SERPINA3: variants seen among roughly 807,000 people sequenced by gnomAD.
The protein encoded by SERPINA3 is serpin family A member 3, also known as alpha-1-antichymotrypsin.
SERPINA3 carries 32 observed loss-of-function variants against 26.8 expected under a neutral mutation model. That is an observed-to-expected ratio of 1.20 (90% confidence interval 0.90 to 1.61). The LOEUF (loss-of-function observed/expected upper bound fraction) is 1.61. Among genes scored for constraint, SERPINA3 ranks in the 40% most tolerant of loss-of-function variants. SERPINA3 has a pLI of 0.00. For missense variants in SERPINA3, 632 were observed against 517.9 expected (o/e 1.22, Z -2.14); for synonymous variants, 252 against 206.4 (o/e 1.22, Z -1.89).
Position 94,623,789 on chromosome 14 carries a change from A to C in SERPINA3, c.1247A>C (p.Lys416Thr). The change falls in exon 5 of 5, where the codon AAA (lysine) becomes ACA (threonine). Residue 416 changes from lysine to threonine, a missense_variant. By Grantham distance (78) the Lys-to-Thr change is moderately conservative (BLOSUM62 -1). Transcript: ENST00000393078. ...ACCCAGAACATCTTCTTCATGAGCA[A>C]AGTCACCAATCCCAAGCAAGCCTAG... is the stretch of plus-strand genomic sequence containing the variant. ...TDTQNIFFMS[K>T]VTNPKQA 6 of 1,613,842 alleles carry C rather than the reference A, an allele frequency of 3.7e-6. No homozygotes were observed. Among genetic ancestry groups the C allele is most frequent in the Non-Finnish European group, 5.1e-6 (6 of 1,180,020 alleles).
chr14:94,614,966 A>G lies in SERPINA3; in HGVS notation c.525A>G (p.Ala175=), dbSNP rs1885938285. ...CCACTGACTTTCAGGACTCAGCTGC[A>G]GCTAAGAAGCTCATCAACGACTACG... ...AFATDFQDSA[A]AKKLINDYVK... Residue 175 remains alanine, a synonymous_variant, in exon 2 of 5, where the codon GCA becomes GCG. Transcript: ENST00000393078. 1.2e-6 allele frequency: 2 copies of G among 1,613,428 alleles called. No individual in the cohort carries two copies. The highest frequency in any genetic ancestry group is 4.5e-5 in the East Asian group (2 of 44,862).
rs747893413 is a variant in SERPINA3 at position 94,623,791 on chromosome 14, G to A, written c.1249G>A (p.Val417Ile). 5.0e-6 allele frequency: 8 copies of A among 1,614,082 alleles called. No individual in the cohort carries two copies. The highest frequency in any genetic ancestry group is 6.8e-6 in the Non-Finnish European group (8 of 1,180,028). ...CCAGAACATCTTCTTCATGAGCAAAGTCACCAATCCCAAGCAAGCCTAGAG... is the reference window on the plus strand; with the variant it reads ...CCAGAACATCTTCTTCATGAGCAAAATCACCAATCCCAAGCAAGCCTAGAG... ...DTQNIFFMSK[V>I]TNPKQA Residue 417 changes from valine to isoleucine, a missense_variant, in exon 5 of 5, where the codon GTC becomes ATC. By Grantham distance (29) the Val-to-Ile change is conservative. Coordinates refer to ENST00000393078, the MANE Select transcript of SERPINA3 (RefSeq NM_001085.5).
At position 94,623,977 on chromosome 14, in the gene SERPINA3, C is replaced by G. The variant is rs1040761508; in HGVS notation, c.*163C>G. 4.3e-6 allele frequency: 3 copies of G among 705,076 alleles called. No homozygotes were observed. The highest frequency in any genetic ancestry group is 7.6e-6 in the Non-Finnish European group (3 of 392,776). 43.7% of individuals were successfully genotyped at this position (705,076 alleles called of 1,614,324 possible). On this transcript the variant is annotated 3_prime_UTR_variant, in exon 5 of 5. Transcript: ENST00000393078. ...TGACAGCGATTCCCTGTGTAGCTCTCACATGCACAGGGGCCCATGGACTCT... is the reference window on the plus strand; with the variant it reads ...TGACAGCGATTCCCTGTGTAGCTCTGACATGCACAGGGGCCCATGGACTCT...
At chr14:94,619,566 G>T in intron 3 of SERPINA3, 98 bp downstream of exon 3, 1 of 1,461,424 alleles carries the variant, frequency 6.8e-7, no homozygotes, top group South Asian at 1.2e-5. Flanking sequence ...ACTCATACAG[G>T]GACAGGTGGA....
chr14:94,619,116 C>A, intron 2 of SERPINA3, 79 bp from the exon 3 acceptor site: 1 of 1,549,534 alleles, frequency 6.5e-7, no homozygotes, highest in Non-Finnish European at 8.9e-7. Context: ...ACTCTGGGCA[C>A]TTCCACTGCT....
intron 1 of SERPINA3, chr14:94,613,208 T>C: frequency 6.7e-6 from 1 of 149,362 alleles, no homozygotes; most frequent in African/African-American, 2.5e-5. Flanking sequence ...TTCCTTTCCT[T>C]CCTTCCCTTC....
chr14:94,614,335 A>C (rs1885895447), intron 1 of SERPINA3, 99 bp from the exon 2 acceptor site: 4 of 1,223,642 alleles, frequency 3.3e-6, no homozygotes, highest in Non-Finnish European at 4.8e-6. Context: ...AGCAAGAGGC[A>C]GCAGGACAGG....
At chr14:94,616,581 C>T (rs1021670915) in intron 2 of SERPINA3, among the ~76,000 whole-genome samples, 6 of 152,086 alleles carry the variant, frequency 3.9e-5, no homozygotes, top group Non-Finnish European at 8.8e-5. Flanking sequence ...CCCACTGGAC[C>T]CAAGAGCATG....
chr14:94,616,365 C>T (rs140794378), intron 2 of SERPINA3, among the ~76,000 whole-genome samples: 1 of 152,306 alleles, frequency 6.6e-6, no homozygotes, highest in Non-Finnish European at 1.5e-5. Flanking sequence ...CCTCTGTTGA[C>T]CTCTCCTCAC....
chr14:94,621,497 T>C (rs1886199688), intron 3 of SERPINA3, among the ~76,000 whole-genome samples: 1 of 152,150 alleles, frequency 6.6e-6, no homozygotes, highest in African/African-American at 2.4e-5. Context: ...CACAGCCTCC[T>C]GTATAATTGT....
At position 94,623,846 on chromosome 14, in the gene SERPINA3, A is replaced by G; in HGVS notation, c.*32A>G. The G allele has an allele frequency of 1.9e-6, 3 of 1,597,080 alleles. No individual in the cohort carries two copies. The highest frequency in any genetic ancestry group is 1.7e-6 in the Non-Finnish European group (2 of 1,165,572). Reference sequence around the variant, plus strand: ...CCATCAAGCAGTGGGGCTCTCAGTAAGGAACTTGGAATGCAAGCTGGATGC... The same window carrying G: ...CCATCAAGCAGTGGGGCTCTCAGTAGGGAACTTGGAATGCAAGCTGGATGC... On this transcript the variant is annotated 3_prime_UTR_variant, in exon 5 of 5. Transcript: ENST00000393078.
intron 2 of SERPINA3, among the ~76,000 whole-genome samples, chr14:94,616,009 A>G (rs1885984005): frequency 1.3e-5 from 2 of 152,222 alleles, no homozygotes; most frequent in Non-Finnish European, 2.9e-5. Flanking sequence ...ATTCCTGGGC[A>G]AGCCACTTCC....
chr14:94,621,230 C>T (rs114766057), intron 3 of SERPINA3, among the ~76,000 whole-genome samples: 1 of 152,168 alleles, frequency 6.6e-6, no homozygotes, highest in Non-Finnish European at 1.5e-5. Flanking sequence ...CTCCCAGACT[C>T]CTTCCTCCTT....
chr14:94,618,031 G>A (rs1167664028), intron 2 of SERPINA3: 1 of 152,024 alleles, frequency 6.6e-6, no homozygotes, highest in Admixed American at 6.6e-5. Flanking sequence ...CCTGTTCTAG[G>A]GGAGGAAAAT....
At position 94,614,926 on chromosome 14, in the gene SERPINA3, G is replaced by A; in HGVS notation, c.485G>A (p.Gly162Asp). The change falls in exon 2 of 5, where the codon GGC becomes GAC. Residue 162 changes from glycine (G) to aspartate (D), a missense_variant. Coordinates refer to ENST00000393078, the MANE Select transcript of SERPINA3 (RefSeq NM_001085.5). ...RFTEDAKRLY[G>D]SEAFATDFQD... ...ACGGAGGATGCCAAGAGGCTGTATG[G>A]CTCCGAGGCCTTTGCCACTGACTTT... 6.2e-7 allele frequency: 1 copy of A among 1,613,686 alleles called. No individual in the cohort carries two copies. The highest frequency in any genetic ancestry group is 8.5e-7 in the Non-Finnish European group (1 of 1,179,576).
rs201175080 is a variant in SERPINA3 at position 94,614,582 on chromosome 14, C to T, written c.141C>T (p.Leu47=). The change falls in exon 2 of 5, where the codon CTC becomes CTT. Residue 47 remains leucine, a synonymous_variant. Coordinates refer to ENST00000393078, the MANE Select transcript of SERPINA3 (RefSeq NM_001085.5). Reference sequence around the variant, plus strand: ...AAGACCGAGGGACACACGTGGACCTCGGATTAGCCTCCGCCAACGTGGACT... The same window carrying T: ...AAGACCGAGGGACACACGTGGACCTTGGATTAGCCTCCGCCAACGTGGACT... ...ENQDRGTHVD[L]GLASANVDFA... The T allele has an allele frequency of 7.3e-5, 118 of 1,614,148 alleles. 2 individuals carry two copies. The South Asian group carries it at 1.2e-3, about 16-fold the overall frequency.
At chr14:94,617,333 G>A (rs988233387) in intron 2 of SERPINA3, among the ~76,000 whole-genome samples, 1 of 152,190 alleles carries the variant, frequency 6.6e-6, no homozygotes, top group African/African-American at 2.4e-5. Context: ...TTTGGGGAGG[G>A]GAAAGGAAAG....
chr14:94,623,003 C>T (rs1886263432), intron 4 of SERPINA3, among the ~76,000 whole-genome samples: 1 of 152,238 alleles, frequency 6.6e-6, no homozygotes, highest in Non-Finnish European at 1.5e-5. Context: ...CAGCCTTTTG[C>T]TCTTGTCTGC....
At chr14:94,619,720 GCA>G in intron 3 of SERPINA3, 3 of 554,668 alleles carry the variant, frequency 5.4e-6, no homozygotes, top group Non-Finnish European at 9.7e-6. Flanking sequence ...GAAATCTTCT[GCA>G]CAGTCCCAAA....
Sources: gnomAD v4.1 joint callset for allele counts (sites outside exome capture counted in the v4.1 genomes callset) on GRCh38, gnomAD v4.1.1 for gene constraint, MANE v1.5 for transcripts, NCBI Gene and HGNC (gene_info 2026-07-23, HGNC 2026-07-21) for gene names.